Variants in PAPLN observed in about 807,000 individuals in gnomAD.
The protein encoded by PAPLN is papilin.
Under a neutral mutation model 159.0 loss-of-function variants are expected in PAPLN, and 146 were observed. That is an observed-to-expected ratio of 0.92 (90% CI 0.80 to 1.05). The LOEUF is 1.05. Among genes scored for constraint, PAPLN ranks in the 50% least tolerant of loss-of-function variants. The probability of loss-of-function intolerance (pLI) is 0.00; values close to 1 mark genes in which losing one functional copy is unlikely to be tolerated. For missense variants in PAPLN, 1,720 were observed against 1,743.9 expected (o/e 0.99, Z 0.24); for synonymous variants, 734 against 702.9 (o/e 1.04, Z -0.70).
rs776827262 is a variant in PAPLN at position 73,254,986 on chromosome 14, C to T, written c.1595C>T (p.Pro532Leu). Reference sequence around the variant, plus strand: ...CACTCCAAGCCTGTGGATGTGGAGCCTTGTAACACGCAGCCCTGTCATCTC... The same window carrying T: ...CACTCCAAGCCTGTGGATGTGGAGCTTTGTAACACGCAGCCCTGTCATCTC... Reference protein sequence around the residue: ...LQHSKPVDVEPCNTQPCHLPQ... With the variant: ...LQHSKPVDVELCNTQPCHLPQ... Residue 532 changes from proline to leucine, a missense_variant, in exon 14 of 27, where the codon CCT (proline) becomes CTT (leucine). By Grantham distance (98) the Pro-to-Leu change is moderately conservative (BLOSUM62 -3). Coordinates refer to ENST00000644200, the MANE Select transcript of PAPLN (RefSeq NM_001365906.3). 20 of 1,613,636 alleles carry T rather than the reference C, an allele frequency of 1.2e-5. No individual in the cohort carries two copies. The highest frequency in any genetic ancestry group is 1.7e-5 in the Admixed American group (1 of 59,966).
chr14:73,259,676 C>G (rs1229772202), intron 16 of PAPLN, 131 bp downstream of exon 16: 5 of 1,213,184 alleles, frequency 4.1e-6, no homozygotes, highest in Non-Finnish European at 5.4e-6. Flanking sequence ...GATGCCCAAG[C>G]TTTCCTCCCT....
intron 16 of PAPLN, among the ~76,000 whole-genome samples, chr14:73,260,319 G>A (rs890383428): frequency 6.6e-6 from 1 of 152,114 alleles, no homozygotes; most frequent in African/African-American, 2.4e-5. Flanking sequence ...GGAGTAAATG[G>A]TGGGTTCCTT....
rs763361180 is a variant in PAPLN, at chr14:73,244,734, C to T, written c.145C>T (p.Arg49Trp). The T allele has an allele frequency of 8.2e-6, 13 of 1,580,358 alleles. No individual in the cohort carries two copies. Among genetic ancestry groups the T allele is most frequent in the South Asian group, 8.1e-5 (7 of 86,140 alleles). The change falls in exon 3 of 27, where the codon CGG becomes TGG. Residue 49 changes from arginine (R) to tryptophan (W), a missense_variant. Physicochemically the swap from Arg to Trp is moderately radical, Grantham distance 101. Coordinates refer to ENST00000644200, the MANE Select transcript of PAPLN (RefSeq NM_001365906.3). ...SRTCGGGVSF[R>W]ERPCYSQRRD... ...GACCTGTGGAGGGGGTGTCAGCTTC[C>T]GGGAGCGCCCCTGCTACTCCCAGAG... is the stretch of plus-strand genomic sequence containing the variant.
chr14:73,253,223 A>C (rs1257610809), intron 11 of PAPLN: 1 of 1,358,152 alleles, frequency 7.4e-7, no homozygotes, highest in East Asian at 4.5e-5. Flanking sequence ...GTGTGTGGGA[A>C]CAGGTAACCT....
intron 13 of PAPLN, 71 bp from the exon 14 acceptor site, chr14:73,254,806 C>T: frequency 1.3e-6 from 2 of 1,595,328 alleles, no homozygotes; most frequent in East Asian, 2.2e-5. Context: ...CTTCCCCTGC[C>T]TCTCTCCATG....
rs1042147476 is a variant in PAPLN, at chr14:73,274,553, G to C, written c.*1889G>C. 3 of 152,150 alleles carry C rather than the reference G, an allele frequency of 2.0e-5. No homozygotes were observed. The highest frequency in any genetic ancestry group is 7.2e-5 in the African/African-American group (3 of 41,440). The allele number at this position is 152,150 out of a possible 1,614,324, so 9.4% of individuals were successfully genotyped here. A position where few individuals can be genotyped will look rare whatever the true frequency, so the allele number is the denominator to read the frequency against. On this transcript the variant is annotated 3_prime_UTR_variant, in exon 27 of 27. Coordinates refer to ENST00000644200, the MANE Select transcript of PAPLN (RefSeq NM_001365906.3). ...TTTCATTTAATACTGGAAAAATATT[G>C]AAGAGCATCCATGTTCACTTATGGC...
intron 14 of PAPLN, among the ~76,000 whole-genome samples, chr14:73,255,322 ATAC>A (rs1320163533): frequency 6.6e-6 from 1 of 152,156 alleles, no homozygotes; most frequent in East Asian, 1.9e-4. Context: ...CTGTGGTTGT[ATAC>A]GGCTTGTCAG....
At chr14:73,242,939 C>G (rs921874582) in intron 2 of PAPLN, 1 of 152,346 alleles carries the variant, frequency 6.6e-6, no homozygotes, top group South Asian at 2.1e-4. Context: ...AACGTCCTTC[C>G]TCACCTGAGA....
chr14:73,251,867 T>G, intron 9 of PAPLN, 31 bp downstream of exon 9: 1 of 1,566,750 alleles, frequency 6.4e-7, no homozygotes, highest in Non-Finnish European at 8.6e-7. Context: ...AGAGGGCGAG[T>G]GGGCAGCTCG....
rs1204575072 is a variant in PAPLN at position 73,253,952 on chromosome 14, C to T, written c.1293C>T (p.Pro431=). The stretch of plus-strand genomic sequence containing the variant: ...GCTGTGCAGCCTGGAGCCCGGAGCC[C>T]TGGGGAGAGGTCAGGCCCCTGGCCC... ...LQRCAAWSPE[P]WGECSVSCGV... Residue 431 remains proline (P), a synonymous_variant, in exon 12 of 27, where the codon CCC becomes CCT. Coordinates refer to ENST00000644200, the MANE Select transcript of PAPLN (RefSeq NM_001365906.3). 1 of 1,610,828 alleles carries T rather than the reference C, an allele frequency of 6.2e-7. No homozygotes were observed. Among genetic ancestry groups the T allele is most frequent in the South Asian group, 1.1e-5 (1 of 90,980 alleles).
chr14:73,265,409 C>T lies in PAPLN; in HGVS notation c.3165C>T (p.Ala1055=). The T allele has an allele frequency of 6.2e-7, 1 of 1,612,232 alleles. No homozygotes were observed. Among genetic ancestry groups the T allele is most frequent in the Non-Finnish European group, 8.5e-7 (1 of 1,180,000 alleles). The change falls in exon 23 of 27, where the codon GCC becomes GCT. Residue 1055 remains alanine, a synonymous_variant. Coordinates refer to ENST00000644200, the MANE Select transcript of PAPLN (RefSeq NM_001365906.3). The surrounding 1 kb of genome is among the most constrained non-coding windows in gnomAD (Gnocchi z 4.1). ...LDQNQPRVVD[A]SPGQRIRMTC... ...AGAACCAGCCCCGGGTGGTGGATGC[C>T]AGTCCAGGCCAGCGGATCCGGATGA...
At chr14:73,239,376 G>C (rs1883292037) in intron 1 of PAPLN, among the ~76,000 whole-genome samples, 1 of 152,186 alleles carries the variant, frequency 6.6e-6, no homozygotes, top group African/African-American at 2.4e-5. Context: ...GCCTATATTA[G>C]GAGTTTTTAA....
In PAPLN at chr14:73,264,196, C is replaced by T. The variant is rs1886958553; in HGVS notation, c.2862-15C>T. 4 of 1,613,252 alleles carry T rather than the reference C, an allele frequency of 2.5e-6. No individual in the cohort carries two copies. Among genetic ancestry groups the T allele is most frequent in the Non-Finnish European group, 2.5e-6 (3 of 1,179,850 alleles). Reference sequence around the variant, plus strand: ...GGAGCCCAGAGCTCATGTCCTCCCACACCACCCCACTCAGGCACAGGCTGC... The same window carrying T: ...GGAGCCCAGAGCTCATGTCCTCCCATACCACCCCACTCAGGCACAGGCTGC... On this transcript the variant is annotated splice_polypyrimidine_tract_variant and intron_variant, in intron 20 of 26. Coordinates refer to ENST00000644200, the MANE Select transcript of PAPLN (RefSeq NM_001365906.3).
At position 73,245,782 on chromosome 14, in the gene PAPLN, G is replaced by A. The variant is rs1488090342; in HGVS notation, c.231+86G>A. The A allele has an allele frequency of 2.0e-6, 3 of 1,490,568 alleles. No homozygotes were observed. Among genetic ancestry groups the A allele is most frequent in the Non-Finnish European group, 1.8e-6 (2 of 1,113,428 alleles). The allele number at this position is 1,490,568 out of a possible 1,614,324, so 92.3% of individuals were successfully genotyped here. On this transcript the variant is annotated intron_variant, in intron 4 of 26. Transcript: ENST00000644200. This position sits in a 1 kb window ranked among gnomAD's most constrained non-coding sequence, Gnocchi z 4.2. ...CCCATTGGGATGCCCGCTCCTGGCC[G>A]CGGGCTGCTGGGTTGGCCCAGCCTG...
At chr14:73,263,844 GGT>G (rs1886861989) in intron 20 of PAPLN, 62 bp downstream of exon 20, 3 of 1,526,686 alleles carry the variant, frequency 2.0e-6, no homozygotes, top group Non-Finnish European at 2.6e-6. Context: ...TTCCCTGACA[GGT>G]GTGTGTGACA....
rs190984279 is a variant in PAPLN at position 73,245,008 on chromosome 14, C to T, written c.170+249C>T. 1 of 404,466 alleles carries T rather than the reference C, an allele frequency of 2.5e-6. No homozygotes were observed. Among genetic ancestry groups the T allele is most frequent in the African/African-American group, 2.1e-5 (1 of 47,854 alleles). 25.1% of individuals were successfully genotyped at this position (404,466 alleles called of 1,614,324 possible). The stretch of plus-strand genomic sequence containing the variant: ...CTGGTCTCCAGCTCCTGATGCTGCA[C>T]CGGCCTGCAGTATGGCAGGTGCAGT... On this transcript the variant is annotated intron_variant, in intron 3 of 26. Coordinates refer to ENST00000644200, the MANE Select transcript of PAPLN (RefSeq NM_001365906.3). The surrounding 1 kb of genome is among the most constrained non-coding windows in gnomAD (Gnocchi z 4.2).
At position 73,261,284 on chromosome 14, in the gene PAPLN, G is replaced by A. The variant is rs1555363877; in HGVS notation, c.2235G>A (p.Gln745=). 1.9e-6 allele frequency: 3 copies of A among 1,613,720 alleles called. No individual in the cohort carries two copies. Among genetic ancestry groups the A allele is most frequent in the Non-Finnish European group, 1.7e-6 (2 of 1,180,004 alleles). Residue 745 remains glutamine, a synonymous_variant, in exon 18 of 27, where the codon CAG becomes CAA. Transcript: ENST00000644200. ...CTCTTGGGGAAGGCTGTGTGGGCCA[G>A]CCCAGCCATGGTGAGTGGACACCCC... The part of the protein sequence containing the change: ...AGPLGEGCVG[Q]PSHAYPVRCL...
At chr14:73,252,527 G>T in intron 10 of PAPLN, 122 bp from the exon 11 acceptor site, 1 of 1,309,562 alleles carries the variant, frequency 7.6e-7, no homozygotes, top group Non-Finnish European at 1.0e-6. Flanking sequence ...CTGCCTCGGG[G>T]GGGTCATCTA....
At chr14:73,240,315 G>T (rs1338886032) in intron 2 of PAPLN, among the ~76,000 whole-genome samples, 1 of 152,128 alleles carries the variant, frequency 6.6e-6, no homozygotes. Context: ...TTCTGAGATG[G>T]CAGAAATGTC....
Sources: allele counts gnomAD v4.1 joint callset (sites outside exome capture counted in the v4.1 genomes callset), GRCh38; gene constraint gnomAD v4.1.1; non-coding constraint Gnocchi (gnomAD v3.1); transcripts MANE v1.5; gene names NCBI Gene and HGNC (gene_info 2026-07-23, HGNC 2026-07-21).